HLA-DQA1: variants seen among roughly 807,000 people sequenced by gnomAD.
The protein encoded by HLA-DQA1 is HLA class II histocompatibility antigen, DQ alpha 1 chain.
In HLA-DQA1, 10 loss-of-function variants were observed where a neutral mutation model predicts 20.7. The observed-to-expected ratio is 0.48, with a 90% CI of 0.30 to 0.82. The LOEUF is 0.82. Ranked by LOEUF, HLA-DQA1 falls within the 40% of genes least tolerant of loss-of-function variation. HLA-DQA1 has a pLI of 0.07. For synonymous variants in HLA-DQA1, 39 were observed against 109.2 expected, an observed-to-expected ratio of 0.36 and a Z score of 4.01; for missense variants, 127 against 293.0, an observed-to-expected ratio of 0.43 and a Z score of 4.14.
the HLA-DQA1 span, among the ~76,000 whole-genome samples, chr6:32,652,966 A>T: frequency 0.55 from 78,649 of 143,986 alleles, 23,233 homozygotes; most frequent in Middle Eastern, 0.7. Context: ...GTTGGCCCAA[A>T]TTAGGGAAAG....
At chr6:32,637,801 G>A (rs9272459) in intron 1 of HLA-DQA1, among the ~76,000 whole-genome samples, 14,296 of 96,708 alleles carry the variant, frequency 0.15, 2,548 homozygotes, top group Middle Eastern at 0.25. Context: ...TCTCTATGTC[G>A]TTCCATCATG....
At chr6:32,643,803 T>A (rs1200119516), downstream of HLA-DQA1, 2 of 151,906 alleles carry the variant, frequency 1.3e-5, no homozygotes, top group African/African-American at 4.9e-5. Context: ...AATAAGACAA[T>A]AATGTGGGTG....
downstream of HLA-DQA1, chr6:32,646,207 A>G (rs1278029277): frequency 7.0e-6 from 1 of 143,138 alleles, no homozygotes; most frequent in African/African-American, 2.6e-5. Flanking sequence ...AGCTATTTGA[A>G]TTATTTCAGA....
downstream of HLA-DQA1, chr6:32,644,654 CTT>C (rs1781759775): frequency 7.2e-6 from 1 of 138,284 alleles, no homozygotes; most frequent in Non-Finnish European, 1.6e-5. Context: ...TTCTCAGCCT[CTT>C]AATGATTTAG....
intron 1 of HLA-DQA1, chr6:32,639,194 T>G: frequency 5.7e-6 from 1 of 174,794 alleles, no homozygotes. Flanking sequence ...ATGTGGGCAG[T>G]GCAGGGGACC....
At chr6:32,652,397 A>G in the HLA-DQA1 span, among the ~76,000 whole-genome samples, 2,778 of 34,830 alleles carry the variant, frequency 0.08, 365 homozygotes, top group Admixed American at 0.11. Context: ...TTTATTAGAA[A>G]TTGACTAAGG....
chr6:32,646,090 A>C (rs1406684109), downstream of HLA-DQA1: 1 of 100,280 alleles, frequency 1.0e-5, no homozygotes, highest in Non-Finnish European at 2.3e-5. Flanking sequence ...CTAAAAAATA[A>C]GAGTAAATAG....
chr6:32,653,231 C>A, the HLA-DQA1 span, among the ~76,000 whole-genome samples: 2 of 131,554 alleles, frequency 1.5e-5, 1 homozygote, highest in Non-Finnish European at 3.3e-5. Flanking sequence ...CATATATATT[C>A]ATGTGGAAGA....
At chr6:32,651,509 G>A (rs1225429667), downstream of HLA-DQA1, among the ~76,000 whole-genome samples, 3 of 78,798 alleles carry the variant, frequency 3.8e-5, 1 homozygote, top group Non-Finnish European at 8.0e-5. Flanking sequence ...GCGTGAACGC[G>A]GGAGGTGGAG....
chr6:32,637,623 C>T (rs9272442), intron 1 of HLA-DQA1, 83 bp downstream of exon 1: 77,686 of 533,890 alleles, frequency 0.15, 17,190 homozygotes, highest in Admixed American at 0.34. Flanking sequence ...TGCAGAGAAA[C>T]TGTAGAGATT....
intron 1 of HLA-DQA1, chr6:32,639,085 C>A: frequency 4.0e-6 from 1 of 249,112 alleles, no homozygotes; most frequent in East Asian, 1.2e-4. Flanking sequence ...GGAAGTTTCA[C>A]CTGCTTCTCC....
chr6:32,650,897 C>CTT (rs70996709), downstream of HLA-DQA1, among the ~76,000 whole-genome samples: 1,521 of 67,016 alleles, frequency 0.023, 486 homozygotes, highest in South Asian at 0.21. Flanking sequence ...ATAAAGAATT[C>CTT]TTTTTTTTTT....
downstream of HLA-DQA1, chr6:32,644,415 A>G (rs1781743354): frequency 6.6e-6 from 1 of 152,186 alleles, no homozygotes; most frequent in African/African-American, 2.4e-5. Context: ...TAGTATTTTA[A>G]ACTTTATAAA....
At chr6:32,650,690 G>A (rs1487090130), downstream of HLA-DQA1, among the ~76,000 whole-genome samples, 3 of 86,352 alleles carry the variant, frequency 3.5e-5, 1 homozygote, top group African/African-American at 1.2e-4. Context: ...TTACACACAG[G>A]GGCCTGTCGG....
At chr6:32,647,150 G>A (rs17612518), downstream of HLA-DQA1, 1 of 111,376 alleles carries the variant, frequency 9.0e-6, no homozygotes, top group Non-Finnish European at 2.0e-5. Context: ...CATGAATTGA[G>A]TATTGTTAAA....
At position 32,642,509 on chromosome 6, in the gene HLA-DQA1, G is replaced by A. The variant is rs201117812; in HGVS notation, c.614-101G>A. 5,806 of 864,506 alleles carry A rather than the reference G, an allele frequency of 6.7e-3. 479 individuals are homozygous for A. Among genetic ancestry groups the A allele is most frequent in the Admixed American group, 0.03 (1,132 of 38,020 alleles). 53.6% of individuals were successfully genotyped at this position (864,506 alleles called of 1,614,324 possible). ...CTTCACTCTTCTCCCTAAGCCTGGG[G>A]CCTTGAGTCTTTGCAGAGCCAACCC... On this transcript the variant is annotated intron_variant, in intron 3 of 4. Coordinates refer to ENST00000343139, the MANE Select transcript of HLA-DQA1 (RefSeq NM_002122.5).
the HLA-DQA1 span, among the ~76,000 whole-genome samples, chr6:32,653,383 C>T: frequency 4.2e-5 from 4 of 94,766 alleles, 1 homozygote; most frequent in African/African-American, 1.5e-4. Context: ...CCCACCTCAG[C>T]CACCTGAGTA....
At chr6:32,644,943 T>G (rs1169481991), downstream of HLA-DQA1, 2 of 120,614 alleles carry the variant, frequency 1.7e-5, no homozygotes, top group Admixed American at 9.0e-5. Flanking sequence ...GAAAATAATT[T>G]AAAACACAGA....
chr6:32,637,843 G>A (rs9272462), intron 1 of HLA-DQA1, among the ~76,000 whole-genome samples: 1,368 of 110,328 alleles, frequency 0.012, 35 homozygotes, highest in Middle Eastern at 0.053. Context: ...GTTTCCATCA[G>A]TGGATAATTT....
Sources: gnomAD v4.1 joint callset for allele counts (sites outside exome capture counted in the v4.1 genomes callset) on GRCh38, gnomAD v4.1.1 for gene constraint, MANE v1.5 for transcripts, NCBI Gene and HGNC (gene_info 2026-07-23, HGNC 2026-07-21) for gene names.